The following BMP5 variants were observed in gnomAD, a reference collection of about 807,000 sequenced individuals.
The protein encoded by BMP5 is bone morphogenetic protein 5.
BMP5 carries 23 observed loss-of-function variants against 46.6 expected under a neutral mutation model. The observed-to-expected ratio is 0.49, with a 90% confidence interval of 0.35 to 0.70. BMP5 has a LOEUF of 0.70. BMP5 is among the 30% of genes least tolerant of loss of function. BMP5 has a pLI of 0.00. For synonymous variants in BMP5, 204 were observed against 191.9 expected (o/e 1.06, Z -0.52); for missense variants, 545 against 565.6 (o/e 0.96, Z 0.37).
chr6:55,797,894 G>A (rs1775756129), intron 2 of BMP5, among the ~76,000 whole-genome samples: 1 of 152,106 alleles, frequency 6.6e-6, no homozygotes, highest in Non-Finnish European at 1.5e-5. Flanking sequence ...GGGATTACAG[G>A]CGTGAGCCAC....
intron 1 of BMP5, among the ~76,000 whole-genome samples, chr6:55,859,479 T>C (rs1777480244): frequency 6.6e-6 from 1 of 152,130 alleles, no homozygotes; most frequent in Admixed American, 6.5e-5. Flanking sequence ...TATTCAGTCA[T>C]CAAAAATATA....
chr6:55,862,527 T>C (rs1480256474), intron 1 of BMP5, among the ~76,000 whole-genome samples: 1 of 152,208 alleles, frequency 6.6e-6, no homozygotes, highest in African/African-American at 2.4e-5. Flanking sequence ...TGAAAATCTT[T>C]ATCCATCACA....
intron 1 of BMP5, among the ~76,000 whole-genome samples, chr6:55,854,570 G>A (rs79230329): frequency 0.058 from 8,790 of 151,630 alleles, 304 homozygotes; most frequent in Admixed American, 0.097. Flanking sequence ...TATTTTACTA[G>A]ACTCATTTCA....
chr6:55,846,222 C>A (rs192416724), intron 1 of BMP5, among the ~76,000 whole-genome samples: 6 of 152,026 alleles, frequency 3.9e-5, no homozygotes, highest in African/African-American at 1.2e-4. Flanking sequence ...ACTTGGAGAG[C>A]AAAGCATAAG....
rs571202197 is a variant in BMP5 at position 55,759,088 on chromosome 6, C to T, written c.1132G>A (p.Ala378Thr). The change falls in exon 6 of 7, where the codon GCT (alanine) becomes ACT (threonine). Residue 378 changes from alanine to threonine, a missense_variant. Ala to Thr is a moderately conservative substitution (Grantham distance 58). Coordinates refer to ENST00000370830, the MANE Select transcript of BMP5 (RefSeq NM_021073.4). Reference protein sequence around the residue: ...QDWIIAPEGYAAFYCDGECSF... With the variant: ...QDWIIAPEGYTAFYCDGECSF... ...CATTCTCCATCACAATAAAATGCAG[C>T]GTATCCTTCTGGTGCTATAATCCAG... is the stretch of plus-strand genomic sequence containing the variant. 8.7e-6 allele frequency: 12 copies of T among 1,373,496 alleles called. No individual in the cohort carries two copies. Among genetic ancestry groups the T allele is most frequent in the African/African-American group, 8.6e-5 (5 of 58,460 alleles). The allele number at this position is 1,373,496 out of a possible 1,614,324, so 85.1% of individuals were successfully genotyped here.
chr6:55,820,716 TGTTGTTTG>T (rs1356465342), intron 1 of BMP5, among the ~76,000 whole-genome samples: 3 of 143,622 alleles, frequency 2.1e-5, no homozygotes, highest in Non-Finnish European at 4.5e-5. Context: ...CTCTGCCCCG[TGTTGTTTG>T]TTTGTTTGTT....
At chr6:55,795,552 GA>G (rs1000077555) in intron 2 of BMP5, among the ~76,000 whole-genome samples, 15 of 151,896 alleles carry the variant, frequency 9.9e-5, no homozygotes, top group African/African-American at 3.6e-4. Context: ...TACAAAATGT[GA>G]AAACACATTT....
chr6:55,794,546 C>T, intron 2 of BMP5, 119 bp from the exon 3 acceptor site: 1 of 953,664 alleles, frequency 1.0e-6, no homozygotes, highest in East Asian at 2.5e-5. Context: ...AGTTAAAGAA[C>T]AAGAGGAACA....
chr6:55,797,687 G>T (rs1290177522), intron 2 of BMP5, among the ~76,000 whole-genome samples: 1 of 145,582 alleles, frequency 6.9e-6, no homozygotes, highest in Non-Finnish European at 1.5e-5. Context: ...TGCGATCTCA[G>T]CTCACTGCAA....
intron 2 of BMP5, among the ~76,000 whole-genome samples, chr6:55,816,980 C>G (rs1305879395): frequency 1.3e-5 from 2 of 152,002 alleles, no homozygotes; most frequent in Admixed American, 1.3e-4. Flanking sequence ...TTTATGCAGC[C>G]AACAGACACA....
At chr6:55,757,944 G>A (rs1266843431) in intron 6 of BMP5, among the ~76,000 whole-genome samples, 1 of 151,868 alleles carries the variant, frequency 6.6e-6, no homozygotes, top group Non-Finnish European at 1.5e-5. Context: ...CCAGTTCACA[G>A]ATATCATTGT....
At chr6:55,825,624 A>C (rs1207438357) in intron 1 of BMP5, among the ~76,000 whole-genome samples, 1 of 151,810 alleles carries the variant, frequency 6.6e-6, no homozygotes, top group Non-Finnish European at 1.5e-5. Flanking sequence ...TTTCCTCCCA[A>C]GCAGATATCT....
chr6:55,783,208 T>C lies in BMP5; in HGVS notation c.833-8965A>G, dbSNP rs141397608. ...TTCCCCAGTTCCTATTCCACTCTAATTGAAACTTAGATTCAATTACTGTCA... is the reference window on the plus strand; with the variant it reads ...TTCCCCAGTTCCTATTCCACTCTAACTGAAACTTAGATTCAATTACTGTCA... On this transcript the variant is annotated intron_variant, in intron 3 of 6. Transcript: ENST00000370830. Among the ~76,000 whole-genome samples the C allele has an allele frequency of 9.2e-5, 14 of 152,214 alleles. No homozygotes were observed. In the East Asian group the frequency reaches 2.1e-3, roughly 23 times the overall value.
At chr6:55,836,497 A>G (rs559270887) in intron 1 of BMP5, among the ~76,000 whole-genome samples, 4 of 152,284 alleles carry the variant, frequency 2.6e-5, no homozygotes, top group Admixed American at 6.5e-5. Context: ...TAGCCAAGTT[A>G]TGTGATAAAT....
At position 55,875,037 on chromosome 6, in the gene BMP5, A is replaced by G; in HGVS notation, c.-172T>C. On this transcript the variant is annotated 5_prime_UTR_variant, in exon 1 of 7. Transcript: ENST00000370830. ...ACATCCTCACCGATTTTCCTGTCCT[A>G]TTTTAAATATTTTGGAATATGTCAA... 5.7e-6 allele frequency: 4 copies of G among 696,612 alleles called. No homozygotes were observed. Among genetic ancestry groups the G allele is most frequent in the Non-Finnish European group, 7.0e-6 (3 of 426,264 alleles). 43.2% of individuals were successfully genotyped at this position (696,612 alleles called of 1,614,324 possible). A position where few individuals can be genotyped will look rare whatever the true frequency, so the allele number is the denominator to read the frequency against.
At chr6:55,862,228 T>A (rs1203503990) in intron 1 of BMP5, among the ~76,000 whole-genome samples, 1 of 152,186 alleles carries the variant, frequency 6.6e-6, no homozygotes, top group African/African-American at 2.4e-5. Flanking sequence ...TGATGCAATT[T>A]TTACTTCACA....
At chr6:55,783,899 A>T (rs551794703) in intron 3 of BMP5, among the ~76,000 whole-genome samples, 2 of 152,120 alleles carry the variant, frequency 1.3e-5, no homozygotes, top group South Asian at 4.1e-4. Context: ...TCATTAAAAG[A>T]AACCTTAAAA....
intron 3 of BMP5, among the ~76,000 whole-genome samples, chr6:55,775,859 G>A (rs988905742): frequency 6.6e-6 from 1 of 151,688 alleles, no homozygotes; most frequent in African/African-American, 2.4e-5. Context: ...TGTCGTATAA[G>A]GTTGTGCAGC....
chr6:55,836,648 A>G (rs2127543904), intron 1 of BMP5, among the ~76,000 whole-genome samples: 1 of 151,710 alleles, frequency 6.6e-6, no homozygotes, highest in East Asian at 1.9e-4. Context: ...ACACACACAC[A>G]CACACACACA....
Sources: allele counts gnomAD v4.1 joint callset (sites outside exome capture counted in the v4.1 genomes callset), GRCh38; gene constraint gnomAD v4.1.1; transcripts MANE v1.5; gene names NCBI Gene and HGNC (gene_info 2026-07-23, HGNC 2026-07-21).